The following PLCXD3 variants were observed in gnomAD, a reference collection of about 807,000 sequenced individuals.
The protein encoded by PLCXD3 is phosphatidylinositol specific phospholipase C X domain containing 3, also known as PI-PLC X domain-containing protein 3.
A neutral mutation model predicts 25.5 loss-of-function variants in PLCXD3; 19 were observed. The ratio of observed to expected loss-of-function variants is 0.75; its 90% CI spans 0.52 to 1.09. The LOEUF is 1.09. Ranked by LOEUF, PLCXD3 falls within the 50% of genes least tolerant of loss-of-function variation. The probability of loss-of-function intolerance (pLI) is 0.00; values close to 1 mark genes in which losing one functional copy is unlikely to be tolerated. For synonymous variants in PLCXD3, 174 were observed against 137.6 expected, an observed-to-expected ratio of 1.26 and a Z score of -1.85; for missense variants, 411 against 388.1, an observed-to-expected ratio of 1.06 and a Z score of -0.50.
At chr5:41,464,088 A>C (rs1196854033) in intron 1 of PLCXD3, among the ~76,000 whole-genome samples, 4 of 152,000 alleles carry the variant, frequency 2.6e-5, no homozygotes, top group African/African-American at 9.7e-5. Context: ...CTCCAACCTC[A>C]TACCCACTAC....
At chr5:41,505,694 A>T (rs1200737244) in intron 1 of PLCXD3, among the ~76,000 whole-genome samples, 2 of 152,248 alleles carry the variant, frequency 1.3e-5, no homozygotes, top group Non-Finnish European at 2.9e-5. Flanking sequence ...AATAAGAAGC[A>T]GCAGGACTTT....
intron 1 of PLCXD3, among the ~76,000 whole-genome samples, chr5:41,441,880 T>A (rs1243638880): frequency 6.6e-6 from 1 of 152,216 alleles, no homozygotes; most frequent in African/African-American, 2.4e-5. Context: ...GTTTTGATCA[T>A]CTCTAAACAT....
At chr5:41,455,190 C>T (rs1209708051) in intron 1 of PLCXD3, among the ~76,000 whole-genome samples, 1 of 151,856 alleles carries the variant, frequency 6.6e-6, no homozygotes, top group Non-Finnish European at 1.5e-5. Flanking sequence ...CCAATCCTGC[C>T]AGCAACTTGA....
At chr5:41,329,514 T>C (rs1281776059) in intron 2 of PLCXD3, among the ~76,000 whole-genome samples, 1 of 152,238 alleles carries the variant, frequency 6.6e-6, no homozygotes, top group Non-Finnish European at 1.5e-5. Context: ...ATAAAAATGC[T>C]ACTCAGTATT....
chr5:41,335,948 G>A (rs6872806), intron 2 of PLCXD3, among the ~76,000 whole-genome samples: 49,070 of 152,012 alleles, frequency 0.32, 10,413 homozygotes, highest in African/African-American at 0.6. Flanking sequence ...TAAAGGAAAT[G>A]TTCCGTGGAC....
intron 1 of PLCXD3, among the ~76,000 whole-genome samples, chr5:41,409,351 C>T (rs1292878691): frequency 6.6e-6 from 1 of 152,094 alleles, no homozygotes; most frequent in Admixed American, 6.6e-5. Flanking sequence ...CTTTTTTGAG[C>T]TTATCAAATA....
At chr5:41,422,439 G>A (rs1219156966) in intron 1 of PLCXD3, among the ~76,000 whole-genome samples, 1 of 152,032 alleles carries the variant, frequency 6.6e-6, no homozygotes, top group African/African-American at 2.4e-5. Context: ...GGGTAGGATG[G>A]GTCTCATCCT....
At chr5:41,379,414 A>T (rs1167901772) in intron 2 of PLCXD3, among the ~76,000 whole-genome samples, 1 of 152,152 alleles carries the variant, frequency 6.6e-6, no homozygotes, top group Non-Finnish European at 1.5e-5. Flanking sequence ...TGTTGGAACT[A>T]GCTGAATTTA....
chr5:41,381,569 G>T (rs1745461783), intron 2 of PLCXD3, among the ~76,000 whole-genome samples: 2 of 152,078 alleles, frequency 1.3e-5, no homozygotes, highest in Admixed American at 1.3e-4. Flanking sequence ...GAACCTAGGA[G>T]AGAGGCATGA....
chr5:41,359,337 A>G (rs113107588), intron 2 of PLCXD3, among the ~76,000 whole-genome samples: 2,194 of 152,122 alleles, frequency 0.014, 64 homozygotes, highest in African/African-American at 0.051. Flanking sequence ...CTGTGAATGT[A>G]TCTGGTCCTG....
chr5:41,502,863 C>T (rs186456488), intron 1 of PLCXD3, among the ~76,000 whole-genome samples: 13 of 152,238 alleles, frequency 8.5e-5, no homozygotes, highest in Admixed American at 4.6e-4. Flanking sequence ...AGAAATTTGG[C>T]TTTATCAGCA....
intron 2 of PLCXD3, among the ~76,000 whole-genome samples, chr5:41,359,493 C>T (rs778709078): frequency 3.3e-5 from 5 of 151,954 alleles, no homozygotes; most frequent in African/African-American, 7.2e-5. Context: ...GTTTTCTAGT[C>T]GATGTGCATA....
At chr5:41,504,344 T>G (rs375046626) in intron 1 of PLCXD3, among the ~76,000 whole-genome samples, 2 of 152,190 alleles carry the variant, frequency 1.3e-5, no homozygotes, top group African/African-American at 4.8e-5. Context: ...ATGCAGAGTA[T>G]AGGATAAAAT....
chr5:41,418,152 C>A (rs1746735464), intron 1 of PLCXD3, among the ~76,000 whole-genome samples: 1 of 151,864 alleles, frequency 6.6e-6, no homozygotes, highest in Non-Finnish European at 1.5e-5. Context: ...ATCTAGAAGC[C>A]AATGCAGTGT....
chr5:41,452,981 T>C lies in PLCXD3; in HGVS notation c.103+57443A>G, dbSNP rs916967122. 2.6e-5 allele frequency among the ~76,000 whole-genome samples: 4 copies of C among 152,144 alleles called. No individual in the cohort carries two copies. The East Asian group carries it at 7.7e-4, about 29-fold the overall frequency. ...TAGATAAATAACCTAATTAACATAT[T>C]CATATTTCACATATTTGTCATTCAT... On this transcript the variant is annotated intron_variant, in intron 1 of 2. Transcript: ENST00000377801.
intron 1 of PLCXD3, among the ~76,000 whole-genome samples, chr5:41,451,560 CTT>C (rs1282193119): frequency 6.6e-6 from 1 of 151,622 alleles, no homozygotes; most frequent in Non-Finnish European, 1.5e-5. Flanking sequence ...AAAGCATTGA[CTT>C]TTCAAGAATA....
chr5:41,447,964 T>G (rs1291080278), intron 1 of PLCXD3, among the ~76,000 whole-genome samples: 2 of 152,150 alleles, frequency 1.3e-5, no homozygotes, highest in Non-Finnish European at 2.9e-5. Flanking sequence ...AATATAACAG[T>G]ACAAATGCCA....
chr5:41,478,297 A>G (rs555753100), intron 1 of PLCXD3, among the ~76,000 whole-genome samples: 41 of 152,222 alleles, frequency 2.7e-4, no homozygotes, highest in Non-Finnish European at 4.4e-4. Context: ...TAAATAAGCA[A>G]CCATAAGTAA....
chr5:41,319,171 G>T (rs543702570), intron 2 of PLCXD3, among the ~76,000 whole-genome samples: 1 of 152,240 alleles, frequency 6.6e-6, no homozygotes, highest in African/African-American at 2.4e-5. Context: ...AATAGCCAGA[G>T]ACCTCAACAC....
Sources: gnomAD v4.1 joint callset for allele counts (sites outside exome capture counted in the v4.1 genomes callset) on GRCh38, gnomAD v4.1.1 for gene constraint, MANE v1.5 for transcripts, NCBI Gene and HGNC (gene_info 2026-07-23, HGNC 2026-07-21) for gene names.